GPRASP3: variants seen among roughly 807,000 people sequenced by gnomAD.
GPRASP3 encodes the protein G protein-coupled receptor associated sorting protein family member 3.
chrX:102,724,796 G>A, the GPRASP3 span, among the ~76,000 whole-genome samples: 1 of 109,081 alleles, frequency 9.2e-6, no homozygotes, highest in African/African-American at 3.4e-5. Flanking sequence ...GACTTGTAGC[G>A]GGTAGAATCC....
chrX:102,750,014 T>C, the GPRASP3 span: 1 of 1,200,246 alleles, frequency 8.3e-7, no homozygotes, highest in Non-Finnish European at 1.1e-6. Context: ...GATCCTCTTA[T>C]TCATAAAATA....
chrX:102,749,776 G>A, the GPRASP3 span: 1 of 1,211,753 alleles, frequency 8.3e-7, no homozygotes. Flanking sequence ...TTCTTTGCCT[G>A]TGGCAACAGC....
the GPRASP3 span, among the ~76,000 whole-genome samples, chrX:102,721,697 GCTCTCT>G: frequency 9.0e-6 from 1 of 111,468 alleles, no homozygotes; most frequent in East Asian, 2.8e-4. Context: ...CTCCGTGTGA[GCTCTCT>G]CTCCCTGCTG....
At chrX:102,742,664 T>A in the GPRASP3 span, among the ~76,000 whole-genome samples, 1 of 111,375 alleles carries the variant, frequency 9.0e-6, no homozygotes, top group African/African-American at 3.3e-5. Flanking sequence ...GTTGTCCTAT[T>A]GGTTTGAGCC....
At chrX:102,753,491 A>G in the GPRASP3 span, 2 of 123,384 alleles carry the variant, frequency 1.6e-5, no homozygotes, top group African/African-American at 6.5e-5. Flanking sequence ...TTGGAATGAC[A>G]TCTAACAATA....
the GPRASP3 span, chrX:102,749,263 C>T: frequency 6.9e-5 from 83 of 1,209,670 alleles, no homozygotes; most frequent in Non-Finnish European, 8.9e-5. Flanking sequence ...AGATTTCACT[C>T]CCAAGGCTGG....
At chrX:102,742,834 T>C in the GPRASP3 span, among the ~76,000 whole-genome samples, 6 of 112,097 alleles carry the variant, frequency 5.4e-5, no homozygotes, top group Non-Finnish European at 1.1e-4. Context: ...AGGTTAAGGA[T>C]GCTTCTGTGA....
chrX:102,744,970 A>G, the GPRASP3 span, among the ~76,000 whole-genome samples: 1 of 111,673 alleles, frequency 9.0e-6, no homozygotes, highest in South Asian at 3.8e-4. Context: ...CAAACTCCCC[A>G]TCGCTTGGAA....
At chrX:102,733,650 T>TA in the GPRASP3 span, among the ~76,000 whole-genome samples, 15,200 of 101,961 alleles carry the variant, frequency 0.15, 1,133 homozygotes, top group Non-Finnish European at 0.22. Context: ...AGCAAAATGT[T>TA]AAAAAAAAAA....
At chrX:102,745,931 G>T in the GPRASP3 span, 3 of 109,343 alleles carry the variant, frequency 2.7e-5, no homozygotes, top group Admixed American at 1.9e-4. Flanking sequence ...GGGCCTGAGA[G>T]GGGGGCGTCG....
At chrX:102,731,234 A>G in the GPRASP3 span, among the ~76,000 whole-genome samples, 1 of 112,819 alleles carries the variant, frequency 8.9e-6, no homozygotes, top group African/African-American at 3.2e-5. Flanking sequence ...AGCAAACTCA[A>G]TTCTTGCCTG....
chrX:102,744,629 A>G, the GPRASP3 span, among the ~76,000 whole-genome samples: 2 of 112,136 alleles, frequency 1.8e-5, no homozygotes, highest in East Asian at 5.6e-4. Context: ...TTTGTGCTCT[A>G]TATTTTAAAA....
the GPRASP3 span, among the ~76,000 whole-genome samples, chrX:102,741,734 AAGAC>A: frequency 8.9e-6 from 1 of 112,259 alleles, no homozygotes; most frequent in Non-Finnish European, 1.9e-5. Context: ...AAACTGAAGA[AAGAC>A]AAAGAGAAAA....
the GPRASP3 span, chrX:102,749,152 G>C: frequency 8.2e-7 from 1 of 1,212,371 alleles, no homozygotes; most frequent in Non-Finnish European, 1.1e-6. Context: ...GTCTAAGACA[G>C]ATGCAGTAGC....
the GPRASP3 span, among the ~76,000 whole-genome samples, chrX:102,740,829 AAAAG>A: frequency 3.4e-4 from 38 of 111,037 alleles, no homozygotes; most frequent in Non-Finnish European, 6.6e-4. Context: ...GATCACAAGA[AAAAG>A]AAAGAGAAGA....
At chrX:102,733,934 G>A in the GPRASP3 span, among the ~76,000 whole-genome samples, 1 of 109,485 alleles carries the variant, frequency 9.1e-6, no homozygotes, top group South Asian at 4.1e-4. Context: ...GATTTGGGTA[G>A]GTAAAGGAAA....
chrX:102,734,513 A>G, the GPRASP3 span, among the ~76,000 whole-genome samples: 1 of 111,876 alleles, frequency 8.9e-6, no homozygotes, highest in Non-Finnish European at 1.9e-5. Flanking sequence ...GCTACTCAGG[A>G]GGCTGAGGAA....
chrX:102,739,253 T>C, the GPRASP3 span, among the ~76,000 whole-genome samples: 1 of 111,619 alleles, frequency 9.0e-6, no homozygotes, highest in Admixed American at 9.5e-5. Context: ...ATAGTGACTC[T>C]CACTCAGAGG....
At chrX:102,742,871 T>C in the GPRASP3 span, among the ~76,000 whole-genome samples, 1 of 112,214 alleles carries the variant, frequency 8.9e-6, no homozygotes, top group Admixed American at 9.4e-5. Flanking sequence ...CTTGACAACA[T>C]GTGCCCATTG....
Sources: gnomAD v4.1 joint callset for allele counts (sites outside exome capture counted in the v4.1 genomes callset) on GRCh38, gnomAD v4.1.1 for gene constraint, MANE v1.5 for transcripts, NCBI Gene and HGNC (gene_info 2026-07-23, HGNC 2026-07-21) for gene names.